The following FBXL17 variants were observed in gnomAD, a reference collection of about 807,000 sequenced individuals.
The protein encoded by FBXL17 is F-box and leucine rich repeat protein 17.
A neutral mutation model predicts 66.2 loss-of-function variants in FBXL17; 22 were observed. The observed-to-expected ratio is 0.33, with a 90% CI of 0.24 to 0.47. The LOEUF (loss-of-function observed/expected upper bound fraction) is 0.47. FBXL17 is among the 20% of genes least tolerant of loss of function. The pLI, the probability that FBXL17 is intolerant of heterozygous loss-of-function variation, is 1.00. For synonymous variants in FBXL17, 474 were observed against 400.5 expected, an observed-to-expected ratio of 1.18 and a Z score of -2.19; for missense variants, 878 against 948.2, an observed-to-expected ratio of 0.93 and a Z score of 0.97.
chr5:107,919,187 C>T lies in FBXL17; in HGVS notation c.1823-38008G>A, dbSNP rs141313480. ...CTAAAGATTGGATTCCTTATCTTGG[C>T]TACATAATAAATAATTGGGATGACA... On this transcript the variant is annotated intron_variant, in intron 7 of 8. Transcript: ENST00000542267. Among the ~76,000 whole-genome samples, 252 of 152,268 alleles carry T rather than the reference C, an allele frequency of 1.7e-3. 1 individual carries two copies. The highest frequency in any genetic ancestry group is 5.8e-3 in the African/African-American group (240 of 41,558).
intron 5 of FBXL17, among the ~76,000 whole-genome samples, chr5:108,194,138 T>C (rs555726670): frequency 6.6e-6 from 1 of 152,260 alleles, no homozygotes; most frequent in Non-Finnish European, 1.5e-5. Context: ...CCCTCCATTG[T>C]CCATCCCTAC....
chr5:107,941,837 T>C (rs1261205170), intron 7 of FBXL17, among the ~76,000 whole-genome samples: 4 of 152,220 alleles, frequency 2.6e-5, no homozygotes, highest in East Asian at 1.9e-4. Context: ...AGAGCTCATG[T>C]GGCAGAATAT....
intron 7 of FBXL17, among the ~76,000 whole-genome samples, chr5:107,897,784 T>C (rs1335860365): frequency 6.6e-6 from 1 of 151,416 alleles, no homozygotes; most frequent in East Asian, 1.9e-4. Context: ...GCCATTCTTA[T>C]TATTAAAAAA....
At chr5:107,919,171 G>A (rs1429843033) in intron 7 of FBXL17, among the ~76,000 whole-genome samples, 1 of 152,150 alleles carries the variant, frequency 6.6e-6, no homozygotes, top group Non-Finnish European at 1.5e-5. Context: ...ACTAAAGATT[G>A]GATTCCTTAT....
In FBXL17 at chr5:107,896,856, A is replaced by AT. The variant is rs58525593; in HGVS notation, c.1823-15678dup. Among the ~76,000 whole-genome samples, 17 of 151,782 alleles carry AT rather than the reference A, an allele frequency of 1.1e-4. No homozygotes were observed. The East Asian group carries it at 2.5e-3, about 23-fold the overall frequency. ...AGGCCAGCAGGCATGAAAATTTGGC[A>AT]TTTTTTTTGTGAAATACTACACATT... On this transcript the variant is annotated intron_variant, in intron 7 of 8. Coordinates refer to ENST00000542267, the MANE Select transcript of FBXL17 (RefSeq NM_001163315.3).
intron 6 of FBXL17, among the ~76,000 whole-genome samples, chr5:108,074,310 ATTTT>A (rs33988328): frequency 2.9e-5 from 4 of 137,286 alleles, no homozygotes; most frequent in African/African-American, 6.1e-5. Flanking sequence ...ATTTGAAAAG[ATTTT>A]TTTTTTTTTT....
At chr5:107,864,681 T>C (rs1748224275) in intron 8 of FBXL17, among the ~76,000 whole-genome samples, 2 of 152,154 alleles carry the variant, frequency 1.3e-5, no homozygotes, top group South Asian at 4.1e-4. Flanking sequence ...ACTCTCTCTC[T>C]TGCTCCCAGC....
At chr5:108,023,591 T>C (rs1754682142) in intron 6 of FBXL17, among the ~76,000 whole-genome samples, 1 of 152,106 alleles carries the variant, frequency 6.6e-6, no homozygotes, top group Non-Finnish European at 1.5e-5. Context: ...ACTATCCTTT[T>C]CTCCTGAAAC....
At chr5:108,075,859 T>A (rs981896905) in intron 6 of FBXL17, among the ~76,000 whole-genome samples, 2 of 152,208 alleles carry the variant, frequency 1.3e-5, no homozygotes, top group African/African-American at 4.8e-5. Flanking sequence ...ATTATTTGTG[T>A]TTGTCTGTAT....
chr5:108,069,018 A>G lies in FBXL17; in HGVS notation c.1746-48017T>C, dbSNP rs546466907. Among the ~76,000 whole-genome samples, 33 of 152,338 alleles carry G rather than the reference A, an allele frequency of 2.2e-4. No individual in the cohort carries two copies. The East Asian group carries it at 6.4e-3, about 29-fold the overall frequency. On this transcript the variant is annotated intron_variant, in intron 6 of 8. Coordinates refer to ENST00000542267, the MANE Select transcript of FBXL17 (RefSeq NM_001163315.3). Reference sequence around the variant, plus strand: ...ATTTGGCTGGAAACAAGATCATAAGATAATTCTGTTAAAACAAGTGCTTGA... The same window carrying G: ...ATTTGGCTGGAAACAAGATCATAAGGTAATTCTGTTAAAACAAGTGCTTGA...
At chr5:108,233,005 T>A (rs1189713443) in intron 4 of FBXL17, among the ~76,000 whole-genome samples, 1 of 151,610 alleles carries the variant, frequency 6.6e-6, no homozygotes, top group Non-Finnish European at 1.5e-5. Flanking sequence ...AAGTATTGTA[T>A]GGACATATAT....
At chr5:107,953,816 A>G in intron 7 of FBXL17, among the ~76,000 whole-genome samples, 1 of 152,242 alleles carries the variant, frequency 6.6e-6, no homozygotes, top group East Asian at 1.9e-4. Flanking sequence ...ATCTTTCAAG[A>G]ACAAGTGCAA....
At chr5:108,307,406 A>G (rs1024344269) in intron 4 of FBXL17, among the ~76,000 whole-genome samples, 2 of 152,174 alleles carry the variant, frequency 1.3e-5, no homozygotes, top group East Asian at 3.9e-4. Flanking sequence ...CTTAAGACTC[A>G]AGGAATTCTC....
At chr5:108,045,440 T>A (rs1482583531) in intron 6 of FBXL17, among the ~76,000 whole-genome samples, 1 of 141,974 alleles carries the variant, frequency 7.0e-6, no homozygotes, top group East Asian at 2.1e-4. Flanking sequence ...AGACTCTGTC[T>A]CAAAATAATA....
Position 108,133,191 on chromosome 5 carries a change from T to G in FBXL17, c.1745+52926A>C, listed in dbSNP as rs186607683. 7.1e-3 allele frequency among the ~76,000 whole-genome samples: 1,081 copies of G among 152,294 alleles called. 8 individuals carry two copies. Among genetic ancestry groups the G allele is most frequent in the Middle Eastern group, 0.02 (6 of 294 alleles). On this transcript the variant is annotated intron_variant, in intron 6 of 8. Transcript: ENST00000542267. Reference sequence around the variant, plus strand: ...GAAAAGCATCAAAAAAAGTGAAATTTTTGAAGTAAATTTTAAACTTCTCCC... The same window carrying G: ...GAAAAGCATCAAAAAAAGTGAAATTGTTGAAGTAAATTTTAAACTTCTCCC...
intron 6 of FBXL17, among the ~76,000 whole-genome samples, chr5:108,138,676 C>T (rs1294816259): frequency 6.6e-6 from 1 of 152,156 alleles, no homozygotes; most frequent in Non-Finnish European, 1.5e-5. Flanking sequence ...ATGAAGTTAA[C>T]ATTTACTTAC....
intron 4 of FBXL17, among the ~76,000 whole-genome samples, chr5:108,316,427 A>T (rs762614847): frequency 1.3e-5 from 2 of 151,424 alleles, no homozygotes; most frequent in Non-Finnish European, 3.0e-5. Flanking sequence ...AAGACACTTA[A>T]TTTATGATTA....
At chr5:108,009,514 G>C (rs997746827) in intron 7 of FBXL17, among the ~76,000 whole-genome samples, 2 of 151,084 alleles carry the variant, frequency 1.3e-5, no homozygotes, top group Non-Finnish European at 1.5e-5. Context: ...ACAGAGGCAC[G>C]GAGGCTGGAT....
At chr5:108,025,704 AACACACACACACACGCGCGCGCGCACAC>A (rs1754781916) in intron 6 of FBXL17, among the ~76,000 whole-genome samples, 1 of 123,394 alleles carries the variant, frequency 8.1e-6, no homozygotes, top group Non-Finnish European at 1.6e-5. Context: ...CACACACACA[AACACACACACACACGCGCGCGCGCACAC>A]ACACACACAC....
Sources: allele counts gnomAD v4.1 joint callset (sites outside exome capture counted in the v4.1 genomes callset), GRCh38; gene constraint gnomAD v4.1.1; transcripts MANE v1.5; gene names NCBI Gene and HGNC (gene_info 2026-07-23, HGNC 2026-07-21).